Variants in RGSL1 observed in about 807,000 individuals in gnomAD.
RGSL1 encodes regulator of G protein signaling like 1, also known as regulator of G protein signaling protein-like.
In RGSL1, 97 loss-of-function variants were observed where a neutral mutation model predicts 124.7. The ratio of observed to expected loss-of-function variants is 0.78; its 90% CI spans 0.66 to 0.92. The LOEUF is 0.92. RGSL1 is among the 40% of genes least tolerant of loss of function. RGSL1 has a pLI of 0.00. For missense variants in RGSL1, 1,233 were observed against 1,288.4 expected (o/e 0.96, Z 0.66); for synonymous variants, 424 against 438.1 (o/e 0.97, Z 0.40).
chr1:182,459,855 G>A (rs1185048703), intron 3 of RGSL1, 149 bp from the exon 4 acceptor site: 1 of 903,288 alleles, frequency 1.1e-6, no homozygotes, highest in Non-Finnish European at 1.6e-6. Context: ...CCAGGTTCCA[G>A]GTTTATAGAA....
chr1:182,520,519 G>A (rs150770432), intron 9 of RGSL1, among the ~76,000 whole-genome samples: 117 of 152,290 alleles, frequency 7.7e-4, no homozygotes, highest in African/African-American at 2.7e-3. Flanking sequence ...TGCCTTTAGG[G>A]TGGCTAAAGT....
chr1:182,530,703 C>A, intron 12 of RGSL1, 87 bp from the exon 13 acceptor site: 1 of 1,382,846 alleles, frequency 7.2e-7, no homozygotes, highest in Non-Finnish European at 9.5e-7. Flanking sequence ...AGAGTTCCTC[C>A]AGAAGCTGAG....
At chr1:182,473,518 A>ATC in intron 5 of RGSL1, 57 bp from the exon 6 acceptor site, 1 of 1,463,616 alleles carries the variant, frequency 6.8e-7, no homozygotes, top group South Asian at 1.5e-5. Context: ...CTCCAACACC[A>ATC]TCATCACTGC....
chr1:182,482,303 A>C (rs1250080797), intron 6 of RGSL1, among the ~76,000 whole-genome samples: 1 of 152,226 alleles, frequency 6.6e-6, no homozygotes, highest in Non-Finnish European at 1.5e-5. Flanking sequence ...AGCTGAAATC[A>C]TTCCCTCTAA....
At chr1:182,482,684 G>A (rs766703465) in intron 6 of RGSL1, among the ~76,000 whole-genome samples, 18 of 152,192 alleles carry the variant, frequency 1.2e-4, no homozygotes, top group African/African-American at 3.9e-4. Context: ...GTGTAAATTG[G>A]TGTGACCAGT....
chr1:182,509,663 G>T (rs1477219066), intron 9 of RGSL1, among the ~76,000 whole-genome samples: 2 of 135,824 alleles, frequency 1.5e-5, no homozygotes, highest in Admixed American at 1.4e-4. Context: ...TGGCCGGGCG[G>T]GGGGCTGAAC....
intron 21 of RGSL1, among the ~76,000 whole-genome samples, chr1:182,558,918 G>A (rs538678498): frequency 1.3e-4 from 20 of 152,228 alleles, no homozygotes; most frequent in African/African-American, 4.3e-4. Context: ...TTTAGAGCAT[G>A]GATATCCTAG....
At chr1:182,547,347 A>G (rs1160956733) in intron 15 of RGSL1, among the ~76,000 whole-genome samples, 2 of 148,750 alleles carry the variant, frequency 1.3e-5, no homozygotes, top group East Asian at 2.0e-4. Flanking sequence ...CTAAATTTTG[A>G]AGGAAGAGTA....
At chr1:182,532,867 T>C in intron 14 of RGSL1, 76 bp downstream of exon 14, 1 of 1,448,464 alleles carries the variant, frequency 6.9e-7, no homozygotes, top group Non-Finnish European at 9.3e-7. Context: ...AAGAAGCTTA[T>C]TGCTTTGTGT....
rs1482831033 is a variant in RGSL1 at position 182,489,058 on chromosome 1, A to T, written c.1573A>T (p.Arg525Trp). The T allele has an allele frequency of 6.4e-7, 1 of 1,551,686 alleles. No homozygotes were observed. Among genetic ancestry groups the T allele is most frequent in the Non-Finnish European group, 8.7e-7 (1 of 1,147,004 alleles). Residue 525 changes from arginine to tryptophan, a missense_variant, in exon 8 of 22, where the codon AGG (arginine) becomes TGG (tryptophan). By Grantham distance (101) the Arg-to-Trp change is moderately radical. Coordinates refer to ENST00000294854, the MANE Select transcript of RGSL1 (RefSeq NM_001137669.2). ...GKEENILLYK[R>W]IQQSLELSQA... ...AGAAGAGAACATTCTTCTTTATAAG[A>T]GGATTCAGCAGTCTCTAGAGTTAAG...
Position 182,463,167 on chromosome 1 carries a change from G to A in RGSL1, c.301+3034G>A, listed in dbSNP as rs148096992. ...AAATTAGCCGGGAATGGTGACAGGC[G>A]CCTGTAGTCCCACCTACTTGGGAAG... On this transcript the variant is annotated intron_variant, in intron 4 of 21. Coordinates refer to ENST00000294854, the MANE Select transcript of RGSL1 (RefSeq NM_001137669.2). Among the ~76,000 whole-genome samples, 275 of 151,922 alleles carry A rather than the reference G, an allele frequency of 1.8e-3. 2 individuals are homozygous for A. Among genetic ancestry groups the A allele is most frequent in the African/African-American group, 6.3e-3 (263 of 41,430 alleles).
At chr1:182,467,104 A>G (rs939672954) in intron 4 of RGSL1, among the ~76,000 whole-genome samples, 4 of 152,194 alleles carry the variant, frequency 2.6e-5, no homozygotes, top group African/African-American at 9.7e-5. Context: ...CCACTGCTCA[A>G]TGAAATAAAA....
chr1:182,506,349 A>G (rs1329782117), intron 9 of RGSL1, among the ~76,000 whole-genome samples: 1 of 152,146 alleles, frequency 6.6e-6, no homozygotes, highest in Non-Finnish European at 1.5e-5. Flanking sequence ...TTTCATTGCT[A>G]TCAGTTAAAA....
chr1:182,513,000 G>T (rs1256215485), intron 9 of RGSL1, among the ~76,000 whole-genome samples: 1 of 152,184 alleles, frequency 6.6e-6, no homozygotes, highest in Non-Finnish European at 1.5e-5. Context: ...ATGGGCACAG[G>T]ACGGGGTGGG....
rs1472214732 is a variant in RGSL1 at position 182,484,121 on chromosome 1, G to A, written c.1432-4164G>A. Among the ~76,000 whole-genome samples the A allele has an allele frequency of 1.3e-5, 2 of 152,104 alleles. 1 individual carries two copies. Among genetic ancestry groups the A allele is most frequent in the Admixed American group, 1.3e-4 (2 of 15,272 alleles). On this transcript the variant is annotated intron_variant, in intron 6 of 21. Coordinates refer to ENST00000294854, the MANE Select transcript of RGSL1 (RefSeq NM_001137669.2). The stretch of plus-strand genomic sequence containing the variant: ...ATACTTGGGATACAGGGAAAGGGAT[G>A]TCTTAGCAGCTAGGACTCTAGAGGG...
chr1:182,469,422 G>A (rs73057369), intron 4 of RGSL1, among the ~76,000 whole-genome samples: 1,629 of 152,150 alleles, frequency 0.011, 26 homozygotes, highest in African/African-American at 0.036. Flanking sequence ...GATGCTCTAC[G>A]GGACTAATCA....
chr1:182,484,303 C>T (rs1415357584), intron 6 of RGSL1, among the ~76,000 whole-genome samples: 1 of 151,992 alleles, frequency 6.6e-6, no homozygotes, highest in African/African-American at 2.4e-5. Context: ...AGCTTAGGCC[C>T]AGGGGTGTGA....
intron 6 of RGSL1, among the ~76,000 whole-genome samples, chr1:182,479,131 A>T (rs914491472): frequency 6.6e-6 from 1 of 152,222 alleles, no homozygotes; most frequent in Non-Finnish European, 1.5e-5. Context: ...ATGCTAAATA[A>T]CAATACAAAA....
intron 4 of RGSL1, among the ~76,000 whole-genome samples, chr1:182,471,986 G>A (rs1653883704): frequency 2.0e-5 from 3 of 152,182 alleles, no homozygotes; most frequent in Non-Finnish European, 4.4e-5. Context: ...TTTAACAAAA[G>A]GGAATGTAGT....
Sources: gnomAD v4.1 joint callset for allele counts (sites outside exome capture counted in the v4.1 genomes callset) on GRCh38, gnomAD v4.1.1 for gene constraint, MANE v1.5 for transcripts, NCBI Gene and HGNC (gene_info 2026-07-23, HGNC 2026-07-21) for gene names.